Variants in AGBL1 observed in about 807,000 individuals in gnomAD.
The protein encoded by AGBL1 is cytosolic carboxypeptidase 4.
A neutral mutation model predicts 118.9 loss-of-function variants in AGBL1; 130 were observed. The ratio of observed to expected loss-of-function variants is 1.09; its 90% CI spans 0.95 to 1.26. The LOEUF (loss-of-function observed/expected upper bound fraction) is 1.26. Ranked by LOEUF, AGBL1 falls within the 50% of genes most tolerant of loss-of-function variation. The pLI is 0.00. For missense variants in AGBL1, 1,584 were observed against 1,298.1 expected (o/e 1.22, Z -3.38); for synonymous variants, 555 against 478.9 (o/e 1.16, Z -2.08).
intron 17 of AGBL1, among the ~76,000 whole-genome samples, chr15:86,350,000 A>G (rs927610102): frequency 6.6e-6 from 1 of 152,266 alleles, no homozygotes; most frequent in Non-Finnish European, 1.5e-5. Context: ...AGTACTAAGC[A>G]AAACTTTTAA....
intron 24 of AGBL1, among the ~76,000 whole-genome samples, chr15:86,995,188 G>A (rs1358168436): frequency 6.6e-6 from 1 of 152,030 alleles, no homozygotes; most frequent in Non-Finnish European, 1.5e-5. Context: ...AGGAGTTTGA[G>A]CCAGCCTGGA....
intron 22 of AGBL1, among the ~76,000 whole-genome samples, chr15:86,722,784 C>G (rs2086747754): frequency 6.6e-6 from 1 of 151,764 alleles, no homozygotes; most frequent in Non-Finnish European, 1.5e-5. Flanking sequence ...TATCCAGAAT[C>G]TACAATGAAC....
intron 22 of AGBL1, among the ~76,000 whole-genome samples, chr15:86,703,580 C>T (rs1166446619): frequency 2.0e-5 from 3 of 152,058 alleles, no homozygotes; most frequent in Non-Finnish European, 4.4e-5. Context: ...TGTCCCTACC[C>T]AAATGTCACC....
intron 22 of AGBL1, among the ~76,000 whole-genome samples, chr15:86,761,130 G>T (rs1212474276): frequency 6.6e-6 from 1 of 151,984 alleles, no homozygotes; most frequent in Non-Finnish European, 1.5e-5. Context: ...TTTTGCCTCT[G>T]ATTACTTCCG....
intron 23 of AGBL1, among the ~76,000 whole-genome samples, chr15:86,945,967 C>A (rs1005258080): frequency 6.6e-6 from 1 of 152,188 alleles, no homozygotes; most frequent in African/African-American, 2.4e-5. Flanking sequence ...CTGATTTCAT[C>A]TACTCAACAG....
intron 22 of AGBL1, among the ~76,000 whole-genome samples, chr15:86,875,367 C>T (rs2079792680): frequency 6.6e-6 from 1 of 152,154 alleles, no homozygotes; most frequent in African/African-American, 2.4e-5. Context: ...ACCAGTTTCC[C>T]TTAGACACAC....
chr15:86,162,753 A>G (rs554904141), intron 5 of AGBL1, among the ~76,000 whole-genome samples: 2 of 152,210 alleles, frequency 1.3e-5, no homozygotes, highest in Non-Finnish European at 1.5e-5. Flanking sequence ...TTCCCTTTCC[A>G]GAGTGGTTTC....
chr15:86,319,747 T>G (rs1380605358), intron 17 of AGBL1, among the ~76,000 whole-genome samples: 1 of 21,952 alleles, frequency 4.6e-5, no homozygotes, highest in East Asian at 6.3e-4. Flanking sequence ...TTGGTAGTTT[T>G]TTTTTTTTTT....
At chr15:86,213,622 A>C (rs1393243505) in intron 5 of AGBL1, among the ~76,000 whole-genome samples, 1 of 152,108 alleles carries the variant, frequency 6.6e-6, no homozygotes, top group Non-Finnish European at 1.5e-5. Flanking sequence ...ATGTCCTGCC[A>C]AGTGAGGGAG....
At chr15:86,185,645 C>T (rs1426865954) in intron 5 of AGBL1, among the ~76,000 whole-genome samples, 1 of 151,768 alleles carries the variant, frequency 6.6e-6, no homozygotes, top group Non-Finnish European at 1.5e-5. Flanking sequence ...TCTCAGCAAA[C>T]TATCTCAAGG....
At chr15:86,323,324 G>T (rs958413666) in intron 17 of AGBL1, among the ~76,000 whole-genome samples, 3 of 151,460 alleles carry the variant, frequency 2.0e-5, no homozygotes, top group Non-Finnish European at 4.4e-5. Context: ...AATAATATAT[G>T]ACAAATAAAG....
downstream of AGBL1, among the ~76,000 whole-genome samples, chr15:86,918,416 C>T (rs747446493): frequency 1.5e-4 from 23 of 152,112 alleles, no homozygotes; most frequent in Admixed American, 2.0e-4. Flanking sequence ...TGGACATCTC[C>T]TCCCTTCATT....
intron 22 of AGBL1, among the ~76,000 whole-genome samples, chr15:86,883,158 T>A (rs917096538): frequency 8.5e-5 from 13 of 152,074 alleles, no homozygotes; most frequent in African/African-American, 2.4e-4. Context: ...TTATGTTTTT[T>A]AAATTAAACA....
intron 1 of AGBL1, among the ~76,000 whole-genome samples, chr15:86,123,875 C>CT (rs1012375159): frequency 2.0e-5 from 3 of 152,126 alleles, no homozygotes; most frequent in Admixed American, 2.0e-4. Flanking sequence ...GTGTTTGACT[C>CT]TTTTTTATCC....
intron 18 of AGBL1, among the ~76,000 whole-genome samples, chr15:86,506,100 A>G (rs995491809): frequency 6.6e-6 from 1 of 151,972 alleles, no homozygotes; most frequent in African/African-American, 2.4e-5. Context: ...TAGGGAACCT[A>G]CTGTTGATGT....
At position 86,715,877 on chromosome 15, in the gene AGBL1, T is replaced by C. The variant is rs890728799; in HGVS notation, c.3158+41441T>C. 9.9e-5 allele frequency among the ~76,000 whole-genome samples: 15 copies of C among 151,818 alleles called. 2 individuals are homozygous for C. Among genetic ancestry groups the C allele is most frequent in the Admixed American group, 9.8e-4 (15 of 15,242 alleles). On this transcript the variant is annotated intron_variant, in intron 22 of 22. Transcript: ENST00000614907. ...ATCGAGACCATCCTGGCTAACATGGTGAAACCCCATCTTTACTAAAAAATA... is the reference window on the plus strand; with the variant it reads ...ATCGAGACCATCCTGGCTAACATGGCGAAACCCCATCTTTACTAAAAAATA...
chr15:86,158,029 T>TC (rs1289648732), intron 4 of AGBL1, among the ~76,000 whole-genome samples: 3 of 152,202 alleles, frequency 2.0e-5, no homozygotes, highest in Non-Finnish European at 4.4e-5. Flanking sequence ...TAGTCTGTTT[T>TC]CCCAATTCGG....
chr15:86,997,103 A>G (rs929918739), intron 24 of AGBL1, among the ~76,000 whole-genome samples: 2 of 152,162 alleles, frequency 1.3e-5, no homozygotes, highest in Non-Finnish European at 2.9e-5. Context: ...TTGTCCAAGT[A>G]TGCATCTATG....
chr15:87,003,072 G>A (rs1213260352), intron 24 of AGBL1, among the ~76,000 whole-genome samples: 1 of 152,164 alleles, frequency 6.6e-6, no homozygotes, highest in African/African-American at 2.4e-5. Context: ...CAAAGGGAAT[G>A]CTTCCAGTTT....
Sources: allele counts gnomAD v4.1 joint callset (sites outside exome capture counted in the v4.1 genomes callset), GRCh38; gene constraint gnomAD v4.1.1; transcripts MANE v1.5; gene names NCBI Gene and HGNC (gene_info 2026-07-23, HGNC 2026-07-21).